Variants in SLC14A2 observed in about 807,000 individuals in gnomAD.
SLC14A2 encodes solute carrier family 14 member 2, also known as urea transporter 2.
Under a neutral mutation model 104.6 loss-of-function variants are expected in SLC14A2, and 91 were observed. The ratio of observed to expected loss-of-function variants is 0.87; its 90% CI spans 0.73 to 1.04. SLC14A2 has a LOEUF of 1.04. Ranked by LOEUF, SLC14A2 falls within the 50% of genes least tolerant of loss-of-function variation. SLC14A2 has a pLI of 0.00. For missense variants in SLC14A2, 1,189 were observed against 1,156.0 expected (o/e 1.03, Z -0.41); for synonymous variants, 476 against 466.4 (o/e 1.02, Z -0.27).
At chr18:45,391,624 G>A (rs2085966946) in intron 1 of SLC14A2, among the ~76,000 whole-genome samples, 1 of 152,154 alleles carries the variant, frequency 6.6e-6, no homozygotes, top group East Asian at 1.9e-4. Context: ...CATTCTAACT[G>A]GTGTGAGATG....
At chr18:45,580,952 A>G (rs2044482148) in intron 2 of SLC14A2, among the ~76,000 whole-genome samples, 1 of 152,110 alleles carries the variant, frequency 6.6e-6, no homozygotes, top group African/African-American at 2.4e-5. Context: ...AACCAGGCTG[A>G]GCAGGAGGCA....
intron 1 of SLC14A2, among the ~76,000 whole-genome samples, chr18:45,457,909 A>G (rs2086972694): frequency 6.6e-6 from 1 of 152,190 alleles, no homozygotes. Context: ...CTGGAGTCAG[A>G]TGCTGTCCTA....
At chr18:45,394,532 A>T (rs2086007423) in intron 1 of SLC14A2, among the ~76,000 whole-genome samples, 1 of 152,188 alleles carries the variant, frequency 6.6e-6, no homozygotes, top group Admixed American at 6.5e-5. Context: ...GTCTATTTTT[A>T]AAAATAATGG....
At chr18:45,558,190 T>C (rs1362691711) in intron 2 of SLC14A2, among the ~76,000 whole-genome samples, 2 of 152,188 alleles carry the variant, frequency 1.3e-5, no homozygotes, top group African/African-American at 4.8e-5. Context: ...TTCTCTCTCC[T>C]TTGTCCTTCC....
At chr18:45,533,543 T>C (rs2043733602) in intron 2 of SLC14A2, among the ~76,000 whole-genome samples, 1 of 152,228 alleles carries the variant, frequency 6.6e-6, no homozygotes, top group Non-Finnish European at 1.5e-5. Context: ...TCGGTGGTGA[T>C]ATCCCCTTTG....
chr18:45,305,839 C>T (rs2085014909), intron 1 of SLC14A2, among the ~76,000 whole-genome samples: 1 of 152,072 alleles, frequency 6.6e-6, no homozygotes, highest in Admixed American at 6.6e-5. Context: ...AATATTTTGG[C>T]TCATTAATTT....
At chr18:45,506,180 C>T (rs1444440612) in intron 2 of SLC14A2, among the ~76,000 whole-genome samples, 1 of 152,182 alleles carries the variant, frequency 6.6e-6, no homozygotes, top group African/African-American at 2.4e-5. Context: ...CTAACTGAGG[C>T]CCCGTCCTCA....
intron 2 of SLC14A2, among the ~76,000 whole-genome samples, chr18:45,551,808 G>A (rs1349367228): frequency 1.3e-5 from 2 of 152,170 alleles, no homozygotes; most frequent in African/African-American, 2.4e-5. Context: ...TCTCATCCAC[G>A]TTTACTGTCG....
chr18:45,439,564 T>A (rs1390083512), intron 1 of SLC14A2, among the ~76,000 whole-genome samples: 2 of 152,308 alleles, frequency 1.3e-5, no homozygotes, highest in South Asian at 2.1e-4. Flanking sequence ...CCAACCTGTT[T>A]CTTGCTCTTA....
chr18:45,613,980 A>G (rs923790162), upstream of SLC14A2, among the ~76,000 whole-genome samples: 3 of 152,196 alleles, frequency 2.0e-5, no homozygotes, highest in African/African-American at 7.2e-5. Flanking sequence ...GACAATGGGG[A>G]AGATTACTCC....
intron 1 of SLC14A2, among the ~76,000 whole-genome samples, chr18:45,398,802 G>T (rs1380187919): frequency 6.6e-6 from 1 of 152,096 alleles, no homozygotes; most frequent in Non-Finnish European, 1.5e-5. Context: ...AAAGTAGAAT[G>T]GTGGTTGCCA....
chr18:45,671,357 T>A (rs1270963527), intron 16 of SLC14A2, among the ~76,000 whole-genome samples: 1 of 152,190 alleles, frequency 6.6e-6, no homozygotes, highest in Non-Finnish European at 1.5e-5. Context: ...TCTGGCCAAC[T>A]GAATGGATTA....
chr18:45,213,716 TA>T (rs144801998), intron 1 of SLC14A2, among the ~76,000 whole-genome samples: 16,179 of 152,212 alleles, frequency 0.11, 884 homozygotes, highest in Non-Finnish European at 0.12. Context: ...TACATGCTAT[TA>T]AAAACCAGTC....
At chr18:45,581,407 T>A (rs2144360911) in intron 2 of SLC14A2, among the ~76,000 whole-genome samples, 1 of 151,998 alleles carries the variant, frequency 6.6e-6, no homozygotes, top group African/African-American at 2.4e-5. Flanking sequence ...GCCAGGAGAG[T>A]CCAGAACAGT....
At chr18:45,645,397 G>T (rs1391459446) in intron 10 of SLC14A2, among the ~76,000 whole-genome samples, 1 of 151,952 alleles carries the variant, frequency 6.6e-6, no homozygotes, top group African/African-American at 2.4e-5. Context: ...GCATCTCTAA[G>T]CAGAGATTTC....
intron 1 of SLC14A2, among the ~76,000 whole-genome samples, chr18:45,247,627 AC>A (rs139544997): frequency 2.1e-4 from 31 of 149,588 alleles, no homozygotes; most frequent in African/African-American, 6.7e-4. Context: ...AACAGATCTC[AC>A]CCCCTGAACA....
chr18:45,585,139 TCC>T (rs2044548401), intron 2 of SLC14A2, among the ~76,000 whole-genome samples: 1 of 54,060 alleles, frequency 1.8e-5, no homozygotes, highest in Non-Finnish European at 4.7e-5. Context: ...TGACACCATG[TCC>T]TCCTCCTCCT....
intron 18 of SLC14A2, among the ~76,000 whole-genome samples, chr18:45,676,092 T>C (rs1201404406): frequency 6.6e-6 from 1 of 152,218 alleles, no homozygotes; most frequent in Non-Finnish European, 1.5e-5. Flanking sequence ...AATGTCCCAA[T>C]GGCAAAAATT....
intron 1 of SLC14A2, among the ~76,000 whole-genome samples, chr18:45,410,718 T>A (rs1333020713): frequency 6.6e-6 from 1 of 152,178 alleles, no homozygotes; most frequent in African/African-American, 2.4e-5. Context: ...TAATCCAGTG[T>A]TTCCACAGAC....
Sources: allele counts gnomAD v4.1 joint callset (sites outside exome capture counted in the v4.1 genomes callset), GRCh38; gene constraint gnomAD v4.1.1; transcripts MANE v1.5; gene names NCBI Gene and HGNC (gene_info 2026-07-23, HGNC 2026-07-21).